EXOG: variants seen among roughly 807,000 people sequenced by gnomAD.
EXOG encodes the protein nuclease EXOG, mitochondrial.
EXOG carries 27 observed loss-of-function variants against 25.8 expected under a neutral mutation model. The observed-to-expected ratio is 1.05, with a 90% CI of 0.77 to 1.45. The LOEUF (loss-of-function observed/expected upper bound fraction) is 1.45. EXOG is among the 40% of genes most tolerant of loss of function. The probability of loss-of-function intolerance (pLI) is 0.00; values close to 1 mark genes in which losing one functional copy is unlikely to be tolerated. For synonymous variants in EXOG, 133 were observed against 167.0 expected, an observed-to-expected ratio of 0.80 and a Z score of 1.57; for missense variants, 458 against 450.5, an observed-to-expected ratio of 1.02 and a Z score of -0.15.
At chr3:38,510,196 C>G (rs543509769) in intron 5 of EXOG, among the ~76,000 whole-genome samples, 57 of 152,240 alleles carry the variant, frequency 3.7e-4, no homozygotes, top group African/African-American at 1.3e-3. Context: ...AAACAGCTGA[C>G]TTCTACTTTA....
chr3:38,524,392 G>A lies in EXOG; in HGVS notation c.*30G>A, dbSNP rs368973398. 138 of 1,556,010 alleles carry A rather than the reference G, an allele frequency of 8.9e-5. No individual in the cohort carries two copies. The highest frequency in any genetic ancestry group is 1.8e-4 in the Admixed American group (9 of 49,006). On this transcript the variant is annotated 3_prime_UTR_variant, in exon 6 of 6. Transcript: ENST00000287675. ...TATCTCAAGATGTGTCATACCGTCT[G>A]TAATGAAGCAGGCATGCCCTCTTTA...
At chr3:38,507,960 G>A (rs1283280543) in intron 5 of EXOG, among the ~76,000 whole-genome samples, 4 of 151,910 alleles carry the variant, frequency 2.6e-5, no homozygotes, top group South Asian at 2.1e-4. Context: ...GTGAAACCCC[G>A]TCTCTGCTAA....
chr3:38,523,919 G>A lies in EXOG; in HGVS notation c.664G>A (p.Val222Met), dbSNP rs141793543. The change falls in exon 6 of 6, where the codon GTG becomes ATG. Residue 222 changes from valine to methionine, a missense_variant. Around this residue, in one of 3 missense-constraint regions of EXOG, gnomAD observed 178 missense variants for 203.7 expected, o/e 0.87. Transcript: ENST00000287675. ...VSYQVIGEDN[V>M]AVPSHLYKVI... ...TTTTTAGGTGATTGGCGAGGACAAC[G>A]TGGCAGTCCCCTCACACCTTTATAA... The A allele has an allele frequency of 4.2e-5, 65 of 1,550,044 alleles. No individual in the cohort carries two copies. In the African/African-American group the frequency reaches 5.8e-4, roughly 14 times the overall value.
At chr3:38,497,964 C>A in intron 2 of EXOG, 186 bp downstream of exon 2, 1 of 656,446 alleles carries the variant, frequency 1.5e-6, no homozygotes. Context: ...CCCTTTCCAG[C>A]TGTCTCAGGG....
chr3:38,525,436 A>G lies in EXOG; in HGVS notation c.*1074A>G, dbSNP rs2060846714. On this transcript the variant is annotated 3_prime_UTR_variant, in exon 6 of 6. Coordinates refer to ENST00000287675, the MANE Select transcript of EXOG (RefSeq NM_005107.4). ...GGTTTCTCGTCTGCTATGCAAGCCA[A>G]AGGGACTTTAATGTTCTTTGAATTG... 1.0e-6 allele frequency: 1 copy of G among 985,298 alleles called. No homozygotes were observed. Among genetic ancestry groups the G allele is most frequent in the Non-Finnish European group, 1.2e-6 (1 of 829,922 alleles). The allele number at this position is 985,298 out of a possible 1,614,324, so 61.0% of individuals were successfully genotyped here.
rs894495711 is a variant in EXOG, at chr3:38,505,827, G to A, written c.531-1027G>A. Among the ~76,000 whole-genome samples, 39 of 151,998 alleles carry A rather than the reference G, an allele frequency of 2.6e-4. 1 individual carries two copies. Among genetic ancestry groups the A allele is most frequent in the Admixed American group, 2.6e-3 (39 of 15,242 alleles). The stretch of plus-strand genomic sequence containing the variant: ...AAAATAAAAAAAAAATTAGCCGAGT[G>A]TGGTGGCACACACCTAAAATCCCAG... On this transcript the variant is annotated intron_variant, in intron 4 of 5. Coordinates refer to ENST00000287675, the MANE Select transcript of EXOG (RefSeq NM_005107.4).
intron 1 of EXOG, chr3:38,496,793 C>T: frequency 6.8e-6 from 10 of 1,461,026 alleles, no homozygotes; most frequent in Non-Finnish European, 8.2e-6. Flanking sequence ...TTCTTCCCCC[C>T]AGTTACTCAT....
intron 3 of EXOG, among the ~76,000 whole-genome samples, 185 bp from the exon 4 acceptor site, chr3:38,503,430 T>G (rs573229560): frequency 3.7e-4 from 57 of 152,366 alleles, no homozygotes; most frequent in Non-Finnish European, 7.3e-4. Flanking sequence ...GTCCTCATTT[T>G]GAATAATTAT....
At chr3:38,516,496 G>A (rs574423157) in intron 5 of EXOG, among the ~76,000 whole-genome samples, 15 of 152,256 alleles carry the variant, frequency 9.9e-5, no homozygotes, top group Non-Finnish European at 2.2e-4. Context: ...CCCCCATATA[G>A]ATAGGCATAC....
Position 38,525,569 on chromosome 3 carries a change from CT to C in EXOG, c.*1211del. Reference sequence around the variant, plus strand: ...CATGCTTGCCTCCAGAGATACAGTTCTTTTAGTGACCAGATACTGCCAAATT... The same window carrying C: ...CATGCTTGCCTCCAGAGATACAGTTCTTTAGTGACCAGATACTGCCAAATT... On this transcript the variant is annotated 3_prime_UTR_variant, in exon 6 of 6. Transcript: ENST00000287675. 1.0e-6 allele frequency: 1 copy of C among 985,258 alleles called. No individual in the cohort carries two copies. 61.0% of individuals were successfully genotyped at this position (985,258 alleles called of 1,614,324 possible).
chr3:38,512,298 A>G (rs1419756762), intron 5 of EXOG, among the ~76,000 whole-genome samples: 15 of 152,200 alleles, frequency 9.9e-5, no homozygotes. Context: ...ATCTTAAAAC[A>G]TGATTGTGGA....
chr3:38,517,043 G>A (rs2060567391), intron 5 of EXOG, among the ~76,000 whole-genome samples: 2 of 152,104 alleles, frequency 1.3e-5, no homozygotes, highest in South Asian at 4.1e-4. Context: ...TCCCCCTTTG[G>A]AATTTATAAG....
chr3:38,497,952 G>T (rs928561230), intron 2 of EXOG, 174 bp downstream of exon 2: 5 of 754,934 alleles, frequency 6.6e-6, no homozygotes, highest in Non-Finnish European at 9.9e-6. Flanking sequence ...CAGAAAGCCA[G>T]ACCCTTTCCA....
In EXOG at chr3:38,523,901, G is replaced by A. The variant is rs775217576; in HGVS notation, c.646G>A (p.Val216Met). ...ACTAATATGGCTGCTTTGTTTTTAGGTGATTGGCGAGGACAACGTGGCAGT... is the reference window on the plus strand; with the variant it reads ...ACTAATATGGCTGCTTTGTTTTTAGATGATTGGCGAGGACAACGTGGCAGT... ...GDGKKIVSYQ[V>M]IGEDNVAVPS... The change falls in exon 6 of 6, where the codon GTG becomes ATG. Residue 216 changes from valine (V) to methionine (M), a missense_variant and splice_region_variant. Transcript: ENST00000287675. 6.6e-7 allele frequency: 1 copy of A among 1,524,216 alleles called. No individual in the cohort carries two copies. Among genetic ancestry groups the A allele is most frequent in the South Asian group, 1.3e-5 (1 of 76,936 alleles). 94.4% of individuals were successfully genotyped at this position (1,524,216 alleles called of 1,614,324 possible).
intron 4 of EXOG, chr3:38,505,574 T>C (rs575082919): frequency 2.0e-4 from 31 of 152,330 alleles, no homozygotes; most frequent in Admixed American, 5.9e-4. Context: ...ACTGCACTTA[T>C]ACCAGCCTAT....
intron 2 of EXOG, chr3:38,498,697 C>A: frequency 3.5e-6 from 1 of 288,738 alleles, no homozygotes; most frequent in South Asian, 3.4e-5. Flanking sequence ...TGGAGAAGAG[C>A]ATTCTAGGAA....
In EXOG at chr3:38,524,389, T is replaced by C. The variant is rs770657629; in HGVS notation, c.*27T>C. ...TTTTATCTCAAGATGTGTCATACCGTCTGTAATGAAGCAGGCATGCCCTCT... is the reference window on the plus strand; with the variant it reads ...TTTTATCTCAAGATGTGTCATACCGCCTGTAATGAAGCAGGCATGCCCTCT... On this transcript the variant is annotated 3_prime_UTR_variant, in exon 6 of 6. Coordinates refer to ENST00000287675, the MANE Select transcript of EXOG (RefSeq NM_005107.4). 5.5e-5 allele frequency: 86 copies of C among 1,562,960 alleles called. 1 individual carries two copies. The highest frequency in any genetic ancestry group is 6.9e-5 in the Non-Finnish European group (80 of 1,158,970).
At chr3:38,507,522 C>T (rs1280196002) in intron 5 of EXOG, among the ~76,000 whole-genome samples, 1 of 152,166 alleles carries the variant, frequency 6.6e-6, no homozygotes, top group African/African-American at 2.4e-5. Context: ...TCCATAACAA[C>T]AGGTGGACGG....
intron 5 of EXOG, among the ~76,000 whole-genome samples, chr3:38,514,858 C>T (rs1029598698): frequency 2.0e-5 from 3 of 150,960 alleles, no homozygotes; most frequent in Non-Finnish European, 4.4e-5. Flanking sequence ...GCAGCCTCCA[C>T]CTCCCAGGTT....
Sources: allele counts gnomAD v4.1 joint callset (sites outside exome capture counted in the v4.1 genomes callset), GRCh38; gene constraint gnomAD v4.1.1; regional missense constraint gnomAD v4.1.1; transcripts MANE v1.5; gene names NCBI Gene and HGNC (gene_info 2026-07-23, HGNC 2026-07-21).